GPBP1: variants seen among roughly 807,000 people sequenced by gnomAD.
GPBP1 encodes vasculin.
GPBP1 carries 13 observed loss-of-function variants against 56.5 expected under a neutral mutation model. The ratio of observed to expected loss-of-function variants is 0.23; its 90% CI spans 0.15 to 0.37. GPBP1 has a LOEUF of 0.37. Among genes scored for constraint, GPBP1 ranks in the 10% least tolerant of loss-of-function variants. The probability of loss-of-function intolerance (pLI) is 1.00; values close to 1 mark genes in which losing one functional copy is unlikely to be tolerated. For missense variants in GPBP1, 477 were observed against 572.3 expected (o/e 0.83, Z 1.70); for synonymous variants, 204 against 188.9 (o/e 1.08, Z -0.66).
At chr5:57,244,985 C>G (rs995506491) in intron 6 of GPBP1, among the ~76,000 whole-genome samples, 2 of 152,134 alleles carry the variant, frequency 1.3e-5, no homozygotes, top group African/African-American at 4.8e-5. Context: ...GTCTGCCCGC[C>G]TCATCTCCCA....
At chr5:57,233,896 G>C (rs573922026) in intron 5 of GPBP1, among the ~76,000 whole-genome samples, 2 of 152,288 alleles carry the variant, frequency 1.3e-5, no homozygotes, top group African/African-American at 4.8e-5. Flanking sequence ...ACTTAAAACT[G>C]TGTGTGACAC....
intron 1 of GPBP1, among the ~76,000 whole-genome samples, 155 bp from the exon 2 acceptor site, chr5:57,175,293 C>T (rs775752794): frequency 4.6e-5 from 7 of 152,086 alleles, no homozygotes; most frequent in Non-Finnish European, 7.3e-5. Flanking sequence ...AGACTTTTAT[C>T]GGGTGCTTGC....
chr5:57,239,789 A>G (rs189806360), intron 6 of GPBP1, among the ~76,000 whole-genome samples: 1 of 152,260 alleles, frequency 6.6e-6, no homozygotes, highest in Non-Finnish European at 1.5e-5. Flanking sequence ...CCGAACAAAC[A>G]TTAGAAACCA....
chr5:57,255,679 G>A (rs561582330), intron 10 of GPBP1, among the ~76,000 whole-genome samples: 1 of 152,324 alleles, frequency 6.6e-6, no homozygotes, highest in South Asian at 2.1e-4. Flanking sequence ...CTAATATCTT[G>A]TCTTCTGATT....
At position 57,263,404 on chromosome 5, in the gene GPBP1, C is replaced by G. The variant is rs1741990508; in HGVS notation, c.*652C>G. On this transcript the variant is annotated 3_prime_UTR_variant, in exon 12 of 12. Coordinates refer to ENST00000506184, the MANE Select transcript of GPBP1 (RefSeq NM_022913.4). ...GGAAAAGACTTGGCACATTTTCTTCCAAATTTTAAGAGGTGATTTTCAAAA... is the reference window on the plus strand; with the variant it reads ...GGAAAAGACTTGGCACATTTTCTTCGAAATTTTAAGAGGTGATTTTCAAAA... The G allele has an allele frequency of 6.6e-6, 1 of 152,078 alleles. No homozygotes were observed. The highest frequency in any genetic ancestry group is 2.4e-5 in the African/African-American group (1 of 41,422). 9.4% of individuals were successfully genotyped at this position (152,078 alleles called of 1,614,324 possible).
At chr5:57,189,360 C>A (rs1015308615) in intron 2 of GPBP1, among the ~76,000 whole-genome samples, 1 of 152,236 alleles carries the variant, frequency 6.6e-6, no homozygotes, top group African/African-American at 2.4e-5. Flanking sequence ...TTCAGGTGAT[C>A]TGCCCACCTA....
At chr5:57,233,948 C>G (rs1756563486) in intron 5 of GPBP1, among the ~76,000 whole-genome samples, 1 of 152,138 alleles carries the variant, frequency 6.6e-6, no homozygotes, top group Admixed American at 6.5e-5. Flanking sequence ...TTGTTATTTT[C>G]ATATCCCACC....
intron 2 of GPBP1, among the ~76,000 whole-genome samples, chr5:57,200,187 T>C (rs977522626): frequency 6.7e-6 from 1 of 149,428 alleles, no homozygotes; most frequent in African/African-American, 2.5e-5. Context: ...TCCTTTTCTT[T>C]CTTTCGTTTT....
Position 57,257,704 on chromosome 5 carries a change from C to T in GPBP1, c.1161-3476C>T, listed in dbSNP as rs190975770. 2.0e-5 allele frequency among the ~76,000 whole-genome samples: 3 copies of T among 152,168 alleles called. No homozygotes were observed. In the East Asian group the frequency reaches 5.8e-4, roughly 29 times the overall value. Reference sequence around the variant, plus strand: ...TCCTAGCCTCAAGTAATCCTCATGCCCTGGCCTCTTGAATTGCTGGGATTA... The same window carrying T: ...TCCTAGCCTCAAGTAATCCTCATGCTCTGGCCTCTTGAATTGCTGGGATTA... On this transcript the variant is annotated intron_variant, in intron 10 of 11. Coordinates refer to ENST00000506184, the MANE Select transcript of GPBP1 (RefSeq NM_022913.4).
At chr5:57,191,855 G>A (rs1052673013) in intron 2 of GPBP1, among the ~76,000 whole-genome samples, 26 of 151,984 alleles carry the variant, frequency 1.7e-4, no homozygotes, top group African/African-American at 5.8e-4. Context: ...CCACCACGCC[G>A]GCCTGTCTAG....
chr5:57,225,809 T>TG (rs2073497284), intron 3 of GPBP1, among the ~76,000 whole-genome samples: 1 of 152,152 alleles, frequency 6.6e-6, no homozygotes, highest in African/African-American at 2.4e-5. Flanking sequence ...GCTTTGAACT[T>TG]GGAAAAATTG....
rs1316101478 is a variant in GPBP1, at chr5:57,219,428, AAAC to A, written c.63+5241_63+5243del. 4.7e-5 allele frequency among the ~76,000 whole-genome samples: 7 copies of A among 149,098 alleles called. No homozygotes were observed. In the East Asian group the frequency reaches 5.9e-4, roughly 13 times the overall value. Reference sequence around the variant, plus strand: ...ACCAAAAACAAACAAACAAAAAAAAAAACAACAAAACCACACACACAAAAAACA... The same window carrying A: ...ACCAAAAACAAACAAACAAAAAAAAAAACAAAACCACACACACAAAAAACA... On this transcript the variant is annotated intron_variant, in intron 3 of 11. Transcript: ENST00000506184.
chr5:57,246,371 C>A lies in GPBP1; in HGVS notation c.550C>A (p.Gln184Lys), dbSNP rs144970283. The change falls in exon 7 of 12, where the codon CAG (glutamine) becomes AAG (lysine). Residue 184 changes from glutamine (Q) to lysine (K), a missense_variant. By Grantham distance (53) the Gln-to-Lys change is moderately conservative. Coordinates refer to ENST00000506184, the MANE Select transcript of GPBP1 (RefSeq NM_022913.4). ...TAAGAAAGGTAATACAAAAGACTTA[C>A]AGCTATCTGGATTCCCAGTAGTAGG... ...VIKKGNTKDLQLSGFPVVGNL... is the reference protein window; with the variant it reads ...VIKKGNTKDLKLSGFPVVGNL... The A allele has an allele frequency of 1.2e-6, 2 of 1,613,530 alleles. No individual in the cohort carries two copies. Among genetic ancestry groups the A allele is most frequent in the Non-Finnish European group, 1.7e-6 (2 of 1,179,488 alleles).
At chr5:57,186,445 A>G (rs561198489) in intron 2 of GPBP1, among the ~76,000 whole-genome samples, 71 of 152,154 alleles carry the variant, frequency 4.7e-4, no homozygotes, top group African/African-American at 1.6e-3. Context: ...GTCCTAAGAA[A>G]TCATTGCCTA....
At chr5:57,250,610 T>G (rs560222159) in intron 9 of GPBP1, among the ~76,000 whole-genome samples, 1 of 151,824 alleles carries the variant, frequency 6.6e-6, no homozygotes, top group South Asian at 2.1e-4. Flanking sequence ...TGGCATGATC[T>G]TGGCTCACTG....
intron 2 of GPBP1, among the ~76,000 whole-genome samples, chr5:57,189,561 T>TTTC (rs10648173): frequency 0.88 from 134,476 of 152,140 alleles, 59,691 homozygotes; most frequent in Middle Eastern, 0.94. Context: ...CTCAGCCCAC[T>TTTC]TTTTTTCACT....
At chr5:57,229,907 T>TTTCCC (rs1756366596) in intron 3 of GPBP1, among the ~76,000 whole-genome samples, 1 of 143,800 alleles carries the variant, frequency 7.0e-6, no homozygotes, top group Admixed American at 7.2e-5. Flanking sequence ...TTGTTAAAAT[T>TTTCCC]TTCCCTTCCC....
chr5:57,190,966 T>C (rs1424906974), intron 2 of GPBP1, among the ~76,000 whole-genome samples: 1 of 152,072 alleles, frequency 6.6e-6, no homozygotes, highest in Non-Finnish European at 1.5e-5. Flanking sequence ...AAACATGTTG[T>C]CTTGAACTCT....
At chr5:57,233,620 G>A (rs1414131719) in intron 5 of GPBP1, among the ~76,000 whole-genome samples, 3 of 152,186 alleles carry the variant, frequency 2.0e-5, no homozygotes, top group East Asian at 1.9e-4. Flanking sequence ...AAAGTCTTAA[G>A]AGGAAATATA....
Sources: allele counts gnomAD v4.1 joint callset (sites outside exome capture counted in the v4.1 genomes callset), GRCh38; gene constraint gnomAD v4.1.1; transcripts MANE v1.5; gene names NCBI Gene and HGNC (gene_info 2026-07-23, HGNC 2026-07-21).